PXDNL: variants seen among roughly 807,000 people sequenced by gnomAD.
The protein encoded by PXDNL is probable oxidoreductase PXDNL.
PXDNL carries 145 observed loss-of-function variants against 150.8 expected under a neutral mutation model. That is an observed-to-expected ratio of 0.96 (90% CI 0.84 to 1.10). PXDNL has a LOEUF of 1.10. PXDNL is among the 50% of genes least tolerant of loss of function. The probability of loss-of-function intolerance (pLI) is 0.00; values close to 1 mark genes in which losing one functional copy is unlikely to be tolerated. For missense variants in PXDNL, 2,087 were observed against 1,873.9 expected, an observed-to-expected ratio of 1.11 and a Z score of -2.10; for synonymous variants, 757 against 725.7, an observed-to-expected ratio of 1.04 and a Z score of -0.69.
At chr8:51,657,649 T>G (rs1815179804) in intron 1 of PXDNL, among the ~76,000 whole-genome samples, 2 of 152,222 alleles carry the variant, frequency 1.3e-5, no homozygotes, top group South Asian at 4.1e-4. Context: ...GGAATTGGGA[T>G]TGCTAGATTA....
intron 12 of PXDNL, among the ~76,000 whole-genome samples, chr8:51,446,009 G>A (rs1391416390): frequency 1.3e-5 from 2 of 151,268 alleles, no homozygotes; most frequent in Non-Finnish European, 2.9e-5. Context: ...AATTTAGTAT[G>A]TCTAAAATAT....
chr8:51,423,119 G>C (rs7009158), intron 14 of PXDNL, among the ~76,000 whole-genome samples: 147,267 of 152,274 alleles, frequency 0.97, 71,440 homozygotes, highest in East Asian at 1. Context: ...TAAATGCCTG[G>C]AAACACTGAG....
At chr8:51,382,086 C>A (rs1586055077) in intron 17 of PXDNL, among the ~76,000 whole-genome samples, 1 of 152,218 alleles carries the variant, frequency 6.6e-6, no homozygotes, top group East Asian at 1.9e-4. Context: ...ATCTGCCCGC[C>A]TTGGCCTCCC....
At position 51,371,860 on chromosome 8, in the gene PXDNL, CATT is replaced by C. The variant is rs774320270; in HGVS notation, c.3901+10_3901+12del. ...ACATCAATCCAGATCGTGCTCATTG[CATT>C]ATTACTGACCTGCACAGCAGTCTTG... On this transcript the variant is annotated intron_variant, in intron 19 of 22. Coordinates refer to ENST00000356297, the MANE Select transcript of PXDNL (RefSeq NM_144651.5). 62 of 1,606,784 alleles carry C rather than the reference CATT, an allele frequency of 3.9e-5. No individual in the cohort carries two copies. Among genetic ancestry groups the C allele is most frequent in the Admixed American group, 8.4e-5 (5 of 59,810 alleles).
At chr8:51,467,962 A>G (rs1406822609) in intron 8 of PXDNL, among the ~76,000 whole-genome samples, 1 of 152,104 alleles carries the variant, frequency 6.6e-6, no homozygotes, top group Non-Finnish European at 1.5e-5. Flanking sequence ...TGAGAGACGT[A>G]AAGAATCTCT....
chr8:51,493,546 G>A (rs970197760), intron 5 of PXDNL, among the ~76,000 whole-genome samples: 78 of 152,108 alleles, frequency 5.1e-4, no homozygotes, highest in East Asian at 9.7e-4. Flanking sequence ...AAAATTAGAC[G>A]AATGGCTAAC....
chr8:51,355,379 A>G (rs901301860), intron 19 of PXDNL, among the ~76,000 whole-genome samples: 4 of 152,222 alleles, frequency 2.6e-5, no homozygotes, highest in Non-Finnish European at 4.4e-5. Flanking sequence ...TTGATGCTCT[A>G]AAGACAGAAC....
chr8:51,482,632 G>A (rs758198663), intron 6 of PXDNL, among the ~76,000 whole-genome samples: 1 of 152,146 alleles, frequency 6.6e-6, no homozygotes, highest in Non-Finnish European at 1.5e-5. Flanking sequence ...CTAAATCATA[G>A]AGGCAGTTTC....
intron 17 of PXDNL, among the ~76,000 whole-genome samples, chr8:51,386,837 AG>A (rs1473376011): frequency 6.6e-6 from 1 of 151,660 alleles, no homozygotes; most frequent in African/African-American, 2.4e-5. Flanking sequence ...AAAAAAAAAA[AG>A]AAAGAGTCTT....
intron 1 of PXDNL, among the ~76,000 whole-genome samples, chr8:51,760,563 C>T (rs1171841541): frequency 6.6e-6 from 1 of 152,134 alleles, no homozygotes; most frequent in African/African-American, 2.4e-5. Context: ...GTATGTATTG[C>T]AATGAGATTT....
At chr8:51,780,218 AAAG>A (rs1208421842) in intron 1 of PXDNL, among the ~76,000 whole-genome samples, 3 of 152,008 alleles carry the variant, frequency 2.0e-5, no homozygotes, top group African/African-American at 7.3e-5. Context: ...TCTTAAAAAA[AAAG>A]AAGTGCAGAG....
intron 1 of PXDNL, among the ~76,000 whole-genome samples, chr8:51,658,856 C>T (rs1476458032): frequency 6.6e-6 from 1 of 152,190 alleles, no homozygotes; most frequent in Non-Finnish European, 1.5e-5. Flanking sequence ...CACAGTACTC[C>T]ACAGTGCAGA....
At chr8:51,663,129 C>T (rs1322446157) in intron 1 of PXDNL, among the ~76,000 whole-genome samples, 2 of 152,092 alleles carry the variant, frequency 1.3e-5, no homozygotes, top group African/African-American at 4.8e-5. Flanking sequence ...AAGTTAAGAC[C>T]CAGAACATCA....
chr8:51,564,855 T>C (rs1358762909), intron 3 of PXDNL, among the ~76,000 whole-genome samples: 1 of 152,026 alleles, frequency 6.6e-6, no homozygotes, highest in Admixed American at 6.6e-5. Flanking sequence ...ATAAACCTTG[T>C]TATAATCACT....
chr8:51,446,900 A>ATATATATATAGT lies in PXDNL; in HGVS notation c.1525+92_1525+103dup. ...CATTTCTTAGATCATATGACTATAT[A>ATATATATATAGT]TATATATATAGTCATATATGTCATA... On this transcript the variant is annotated intron_variant, in intron 12 of 22. Coordinates refer to ENST00000356297, the MANE Select transcript of PXDNL (RefSeq NM_144651.5). 3.6e-6 allele frequency: 3 copies of ATATATATATAGT among 825,572 alleles called. 1 individual carries two copies. The highest frequency in any genetic ancestry group is 5.6e-6 in the Non-Finnish European group (3 of 535,582). The allele number at this position is 825,572 out of a possible 1,614,324, so 51.1% of individuals were successfully genotyped here. A position where few individuals can be genotyped will look rare whatever the true frequency, so the allele number is the denominator to read the frequency against.
rs140615291 is a variant in PXDNL, at chr8:51,428,694, A to G, written c.1526-1936T>C. On this transcript the variant is annotated intron_variant, in intron 12 of 22. Transcript: ENST00000356297. ...AACCTTTACCTAAGTCTCATACTTTATAAAAAATTAACTCGAAATGGACAA... is the reference window on the plus strand; with the variant it reads ...AACCTTTACCTAAGTCTCATACTTTGTAAAAAATTAACTCGAAATGGACAA... Among the ~76,000 whole-genome samples, 10 of 152,376 alleles carry G rather than the reference A, an allele frequency of 6.6e-5. No homozygotes were observed. The East Asian group carries it at 1.9e-3, about 29-fold the overall frequency.
At chr8:51,751,601 C>A (rs2037046050) in intron 1 of PXDNL, among the ~76,000 whole-genome samples, 1 of 152,136 alleles carries the variant, frequency 6.6e-6, no homozygotes, top group African/African-American at 2.4e-5. Flanking sequence ...AGGGAATTTG[C>A]ATTAGAATAT....
At chr8:51,651,614 G>A (rs1297322614) in intron 2 of PXDNL, among the ~76,000 whole-genome samples, 1 of 152,018 alleles carries the variant, frequency 6.6e-6, no homozygotes, top group Admixed American at 6.5e-5. Flanking sequence ...TCAGATCTTC[G>A]TATTTCTGTT....
intron 3 of PXDNL, among the ~76,000 whole-genome samples, chr8:51,583,100 G>A (rs946811480): frequency 7.2e-5 from 11 of 152,148 alleles, no homozygotes; most frequent in Non-Finnish European, 1.3e-4. Context: ...TGAGTGAATT[G>A]AAAAGTACTA....
Sources: allele counts gnomAD v4.1 joint callset (sites outside exome capture counted in the v4.1 genomes callset), GRCh38; gene constraint gnomAD v4.1.1; transcripts MANE v1.5; gene names NCBI Gene and HGNC (gene_info 2026-07-23, HGNC 2026-07-21).